The following ACVR1B variants were observed in gnomAD, a reference collection of about 807,000 sequenced individuals.
ACVR1B encodes activin A receptor type 1B.
In ACVR1B, 15 loss-of-function variants were observed where a neutral mutation model predicts 55.6. The observed-to-expected ratio is 0.27, with a 90% CI of 0.18 to 0.42. ACVR1B has a LOEUF of 0.42. Ranked by LOEUF, ACVR1B falls within the 10% of genes least tolerant of loss-of-function variation. The pLI is 1.00. For missense variants in ACVR1B, 359 were observed against 670.1 expected, an observed-to-expected ratio of 0.54 and a Z score of 5.13; for synonymous variants, 247 against 254.6, an observed-to-expected ratio of 0.97 and a Z score of 0.28.
At chr12:51,967,286 C>T (rs1034490886) in intron 1 of ACVR1B, among the ~76,000 whole-genome samples, 5 of 151,784 alleles carry the variant, frequency 3.3e-5, no homozygotes, top group African/African-American at 4.8e-5. Flanking sequence ...AAAGGTGGTG[C>T]GGTGGCTCAC....
intron 1 of ACVR1B, chr12:51,953,649 T>G: frequency 1.7e-6 from 1 of 582,622 alleles, no homozygotes. Context: ...TATGTGTGTA[T>G]GTATAAATCT....
rs74094863 is a variant in ACVR1B, at chr12:51,971,483, G to A, written c.92-3782G>A. ...ACGTAATTCTTCCGCCTTGGAATAAGGAGAGTTTTAGGTATGTTTATATAC... is the reference window on the plus strand; with the variant it reads ...ACGTAATTCTTCCGCCTTGGAATAAAGAGAGTTTTAGGTATGTTTATATAC... On this transcript the variant is annotated intron_variant, in intron 1 of 8. Coordinates refer to ENST00000257963, the MANE Select transcript of ACVR1B (RefSeq NM_004302.5). Among the ~76,000 whole-genome samples, 592 of 152,268 alleles carry A rather than the reference G, an allele frequency of 3.9e-3. 4 individuals carry two copies. Among genetic ancestry groups the A allele is most frequent in the African/African-American group, 0.014 (566 of 41,538 alleles).
chr12:51,981,848 CAAA>C (rs11321510), intron 4 of ACVR1B, among the ~76,000 whole-genome samples: 3 of 128,204 alleles, frequency 2.3e-5, no homozygotes, highest in East Asian at 2.3e-4. Context: ...GACTCCGTCT[CAAA>C]AAAAAAAAAA....
chr12:51,981,275 T>A (rs1353903059), intron 4 of ACVR1B, 76 bp downstream of exon 4: 3 of 1,247,720 alleles, frequency 2.4e-6, no homozygotes, highest in Non-Finnish European at 3.4e-6. Flanking sequence ...GGTGCACAGC[T>A]CTGTTTGCCT....
At chr12:51,987,713 T>G (rs1437945366) in intron 7 of ACVR1B, 5 of 153,360 alleles carry the variant, frequency 3.3e-5, no homozygotes, top group African/African-American at 1.2e-4. Context: ...AAGGTTAGCA[T>G]GGCCCCTGCA....
In ACVR1B at chr12:51,982,553, G is replaced by C. The variant is rs371676161; in HGVS notation, c.811+1354G>C. On this transcript the variant is annotated intron_variant, in intron 4 of 8. Transcript: ENST00000257963. ...GAGCACAGAGAGGATGCTGTGAGTG[G>C]CTGGTTCACATTGTGGAAGGGTCTC... is the stretch of plus-strand genomic sequence containing the variant. The C allele has an allele frequency of 7.5e-5, 75 of 995,856 alleles. No homozygotes were observed. In the South Asian group the frequency reaches 1.5e-3, roughly 20 times the overall value. 61.7% of individuals were successfully genotyped at this position (995,856 alleles called of 1,614,324 possible).
At chr12:51,972,994 G>C (rs1005865218) in intron 1 of ACVR1B, among the ~76,000 whole-genome samples, 2 of 152,090 alleles carry the variant, frequency 1.3e-5, no homozygotes, top group Non-Finnish European at 1.5e-5. Context: ...CCCCAGTTCC[G>C]TTCTTCGTCC....
chr12:51,977,900 G>A (rs1049858121), intron 3 of ACVR1B, among the ~76,000 whole-genome samples: 3 of 149,244 alleles, frequency 2.0e-5, no homozygotes, highest in African/African-American at 7.4e-5. Flanking sequence ...AAAGATCACT[G>A]TTGCCATTCT....
intron 1 of ACVR1B, among the ~76,000 whole-genome samples, chr12:51,952,253 C>T (rs911968203): frequency 3.3e-5 from 5 of 152,092 alleles, no homozygotes; most frequent in Admixed American, 1.3e-4. Flanking sequence ...TTTCTCCCGC[C>T]AAGACTGTGG....
intron 1 of ACVR1B, among the ~76,000 whole-genome samples, chr12:51,953,859 G>A (rs1054212209): frequency 5.8e-4 from 89 of 152,282 alleles, no homozygotes; most frequent in African/African-American, 2.1e-3. Flanking sequence ...GTTTGTGGGG[G>A]TTAAGGTGGG....
intron 1 of ACVR1B, among the ~76,000 whole-genome samples, chr12:51,959,507 AC>A (rs1753731473): frequency 6.6e-6 from 1 of 152,158 alleles, no homozygotes; most frequent in Admixed American, 6.5e-5. Flanking sequence ...TTGGAGGAGG[AC>A]CCAATCCTAG....
At chr12:51,960,571 G>A (rs183210689) in intron 1 of ACVR1B, among the ~76,000 whole-genome samples, 1 of 152,312 alleles carries the variant, frequency 6.6e-6, no homozygotes, top group East Asian at 1.9e-4. Context: ...CACCTGTGTT[G>A]TATCATTTAC....
intron 1 of ACVR1B, among the ~76,000 whole-genome samples, chr12:51,971,162 C>A (rs917734611): frequency 6.6e-6 from 1 of 152,198 alleles, no homozygotes; most frequent in Non-Finnish European, 1.5e-5. Context: ...GCCTCTATAA[C>A]ACGGAGCTAG....
chr12:51,984,820 T>C (rs945531293), intron 5 of ACVR1B, among the ~76,000 whole-genome samples: 1 of 152,230 alleles, frequency 6.6e-6, no homozygotes, highest in Admixed American at 6.5e-5. Flanking sequence ...TGTTTCCTTC[T>C]GAGAACTAGG....
At chr12:51,970,697 A>G (rs1251151529) in intron 1 of ACVR1B, among the ~76,000 whole-genome samples, 1 of 152,166 alleles carries the variant, frequency 6.6e-6, no homozygotes, top group Non-Finnish European at 1.5e-5. Context: ...TGAATTTCTC[A>G]TCTGGAAAGA....
intron 1 of ACVR1B, among the ~76,000 whole-genome samples, chr12:51,953,888 C>A (rs902534349): frequency 6.6e-6 from 1 of 151,988 alleles, no homozygotes; most frequent in African/African-American, 2.4e-5. Context: ...ATAGGGAGTT[C>A]GTTTCTTTTT....
intron 1 of ACVR1B, among the ~76,000 whole-genome samples, chr12:51,958,043 G>C (rs1941446515): frequency 6.6e-6 from 1 of 152,190 alleles, no homozygotes; most frequent in Admixed American, 6.5e-5. Flanking sequence ...GGGTGTTTCA[G>C]ATGTTTCACT....
chr12:51,976,275 T>C, intron 2 of ACVR1B, 52 bp from the exon 3 acceptor site: 1 of 1,607,696 alleles, frequency 6.2e-7, no homozygotes, highest in Non-Finnish European at 8.5e-7. Flanking sequence ...TTTTTACTCT[T>C]TCCCTTGTTT....
At chr12:51,977,519 G>GT (rs1350482034) in intron 3 of ACVR1B, among the ~76,000 whole-genome samples, 1 of 149,856 alleles carries the variant, frequency 6.7e-6, no homozygotes, top group East Asian at 1.9e-4. Flanking sequence ...CTGGTCTTGT[G>GT]TTCTTGACCT....
Sources: gnomAD v4.1 joint callset for allele counts (sites outside exome capture counted in the v4.1 genomes callset) on GRCh38, gnomAD v4.1.1 for gene constraint, MANE v1.5 for transcripts, NCBI Gene and HGNC (gene_info 2026-07-23, HGNC 2026-07-21) for gene names.